The following USP7 variants were observed in gnomAD, a reference collection of about 807,000 sequenced individuals.
The protein encoded by USP7 is ubiquitin C-terminal hydrolase 7.
USP7 carries 9 observed loss-of-function variants against 162.9 expected under a neutral mutation model. That is an observed-to-expected ratio of 0.06 (90% CI 0.03 to 0.10). The LOEUF is 0.10. Ranked by LOEUF, USP7 falls within the 10% of genes least tolerant of loss-of-function variation. The pLI, the probability that USP7 is intolerant of heterozygous loss-of-function variation, is 1.00. For synonymous variants in USP7, 562 were observed against 475.9 expected (o/e 1.18, Z -2.35); for missense variants, 715 against 1,373.7 (o/e 0.52, Z 7.58).
intron 15 of USP7, among the ~76,000 whole-genome samples, 185 bp downstream of exon 15, chr16:8,904,250 T>G (rs1430056139): frequency 6.6e-6 from 1 of 152,218 alleles, no homozygotes; most frequent in Non-Finnish European, 1.5e-5. Context: ...GCAGCTGCCC[T>G]GCTGTGCAGT....
At chr16:8,936,925 C>A (rs753985008) in intron 1 of USP7, among the ~76,000 whole-genome samples, 14 of 152,282 alleles carry the variant, frequency 9.2e-5, no homozygotes, top group Admixed American at 2.0e-4. Context: ...CTGTATCAAA[C>A]ACTGGTGATA....
chr16:8,963,012 C>T, intron 1 of USP7, 195 bp downstream of exon 1: 1 of 313,228 alleles, frequency 3.2e-6, no homozygotes, highest in Non-Finnish European at 5.3e-6. Flanking sequence ...GCCGGGGTCC[C>T]GGCGGCCGCC....
chr16:8,901,091 G>A, intron 19 of USP7, 34 bp from the exon 20 acceptor site: 1 of 1,613,394 alleles, frequency 6.2e-7, no homozygotes, highest in African/African-American at 1.3e-5. Context: ...ATGTGTAGCT[G>A]TAATGTACTG....
chr16:8,962,602 C>T (rs1289550187), intron 1 of USP7: 1 of 309,248 alleles, frequency 3.2e-6, no homozygotes, highest in African/African-American at 2.2e-5. Flanking sequence ...CCCCGAAAAA[C>T]AGGTGGATTC....
intron 2 of USP7, among the ~76,000 whole-genome samples, chr16:8,923,693 C>T (rs978601682): frequency 2.6e-4 from 39 of 152,198 alleles, no homozygotes; most frequent in African/African-American, 9.4e-4. Context: ...GTCTACTTTA[C>T]TAAAGCTGAA....
At position 8,917,614 on chromosome 16, in the gene USP7, G is replaced by A. The variant is rs573376749; in HGVS notation, c.721-458C>T. Among the ~76,000 whole-genome samples the A allele has an allele frequency of 2.0e-5, 3 of 152,304 alleles. No homozygotes were observed. In the East Asian group the frequency reaches 5.8e-4, roughly 29 times the overall value. On this transcript the variant is annotated intron_variant, in intron 6 of 30. Transcript: ENST00000344836. ...GACTGGACTGAAACTCCTGACCTCA[G>A]GGGATCTGCCCACCTTGGCCTCCCA...
At chr16:8,961,352 C>T (rs759086930) in intron 1 of USP7, among the ~76,000 whole-genome samples, 2 of 151,896 alleles carry the variant, frequency 1.3e-5, no homozygotes, top group Non-Finnish European at 2.9e-5. Context: ...AGTAGCCAGG[C>T]GTGGTTGCAC....
intron 2 of USP7, among the ~76,000 whole-genome samples, chr16:8,927,418 T>C (rs964728983): frequency 3.3e-5 from 5 of 152,228 alleles, no homozygotes; most frequent in African/African-American, 1.2e-4. Context: ...GCTGTTGCAG[T>C]GATTTTAGCA....
At chr16:8,925,308 A>C (rs750095581) in intron 2 of USP7, among the ~76,000 whole-genome samples, 1 of 152,244 alleles carries the variant, frequency 6.6e-6, no homozygotes, top group Non-Finnish European at 1.5e-5. Flanking sequence ...GGCCTCAACA[A>C]AATGAGACTA....
At chr16:8,910,585 T>C (rs2061930778) in intron 11 of USP7, among the ~76,000 whole-genome samples, 160 bp downstream of exon 11, 1 of 151,886 alleles carries the variant, frequency 6.6e-6, no homozygotes, top group Non-Finnish European at 1.5e-5. Context: ...AACATCCCCC[T>C]CTCCCTCCCC....
At chr16:8,907,682 A>C (rs2141184746) in intron 12 of USP7, among the ~76,000 whole-genome samples, 1 of 152,220 alleles carries the variant, frequency 6.6e-6, no homozygotes, top group East Asian at 1.9e-4. Flanking sequence ...TCTCTACTAA[A>C]AATACAAAAA....
In USP7 at chr16:8,941,123, GCCCATGC is replaced by G. The variant is rs946124258; in HGVS notation, c.80-10733_80-10727del. On this transcript the variant is annotated intron_variant, in intron 1 of 30. Coordinates refer to ENST00000344836, the MANE Select transcript of USP7 (RefSeq NM_003470.3). ...GGAGCTGCTGCCCAATTCACATGGG[GCCCATGC>G]CCCATGCCCATGAGGACCCCCCGCC... is the stretch of plus-strand genomic sequence containing the variant. Among the ~76,000 whole-genome samples the G allele has an allele frequency of 1.7e-3, 262 of 149,720 alleles. 1 individual carries two copies. The highest frequency in any genetic ancestry group is 5.3e-3 in the African/African-American group (220 of 41,328).
At chr16:8,895,261 TA>T in intron 27 of USP7, 111 bp from the exon 28 acceptor site, 2 of 1,525,820 alleles carry the variant, frequency 1.3e-6, no homozygotes, top group Non-Finnish European at 1.8e-6. Flanking sequence ...CTATTTTTGC[TA>T]AAAAAACGCC....
rs2061633268 is a variant in USP7 at position 8,893,463 on chromosome 16, AC to A, written c.*534del. 1 of 154,242 alleles carries A rather than the reference AC, an allele frequency of 6.5e-6. No individual in the cohort carries two copies. The highest frequency in any genetic ancestry group is 1.9e-4 in the East Asian group (1 of 5,228). 9.6% of individuals were successfully genotyped at this position (154,242 alleles called of 1,614,324 possible). A position where few individuals can be genotyped will look rare whatever the true frequency, so the allele number is the denominator to read the frequency against. On this transcript the variant is annotated 3_prime_UTR_variant, in exon 31 of 31. Transcript: ENST00000344836. The stretch of plus-strand genomic sequence containing the variant: ...GCCCCCAGGCAGCTGGAGGAGGAGA[AC>A]CCGAGGAAGGGCCGACAATGCACAC...
intron 1 of USP7, among the ~76,000 whole-genome samples, chr16:8,930,678 T>G (rs1356560371): frequency 6.6e-6 from 1 of 152,184 alleles, no homozygotes; most frequent in Non-Finnish European, 1.5e-5. Flanking sequence ...ATATAAAATC[T>G]CTTATGTAGG....
chr16:8,927,599 G>A (rs1596387581), intron 2 of USP7, among the ~76,000 whole-genome samples: 3 of 152,150 alleles, frequency 2.0e-5, no homozygotes, highest in Admixed American at 6.5e-5. Flanking sequence ...ACTTTGGGAA[G>A]CCAAGGCAGG....
At chr16:8,918,283 G>A (rs1021461613) in intron 6 of USP7, among the ~76,000 whole-genome samples, 1 of 152,104 alleles carries the variant, frequency 6.6e-6, no homozygotes, top group African/African-American at 2.4e-5. Flanking sequence ...CAGGAGTGCC[G>A]ATTTCCTGTA....
intron 1 of USP7, among the ~76,000 whole-genome samples, chr16:8,930,598 G>T (rs1230453061): frequency 6.6e-6 from 1 of 152,022 alleles, no homozygotes; most frequent in Non-Finnish European, 1.5e-5. Flanking sequence ...ACACTAAATG[G>T]AATTTGAAAA....
chr16:8,921,470 T>C (rs1037965465), intron 3 of USP7, among the ~76,000 whole-genome samples, 175 bp from the exon 4 acceptor site: 1 of 152,174 alleles, frequency 6.6e-6, no homozygotes, highest in Admixed American at 6.5e-5. Flanking sequence ...GAGAAATGGG[T>C]GTTTGGGGCT....
Sources: allele counts gnomAD v4.1 joint callset (sites outside exome capture counted in the v4.1 genomes callset), GRCh38; gene constraint gnomAD v4.1.1; transcripts MANE v1.5; gene names NCBI Gene and HGNC (gene_info 2026-07-23, HGNC 2026-07-21).